The following PPP2R3A variants were observed in gnomAD, a reference collection of about 807,000 sequenced individuals.
PPP2R3A encodes serine/threonine-protein phosphatase 2A regulatory subunit B'' subunit alpha.
A neutral mutation model predicts 106.9 loss-of-function variants in PPP2R3A; 80 were observed. The observed-to-expected ratio is 0.75, with a 90% confidence interval of 0.62 to 0.90. The LOEUF is 0.90. Among genes scored for constraint, PPP2R3A ranks in the 40% least tolerant of loss-of-function variants. The pLI is 0.00. For missense variants in PPP2R3A, 1,386 were observed against 1,350.4 expected (o/e 1.03, Z -0.41); for synonymous variants, 483 against 468.3 (o/e 1.03, Z -0.41).
chr3:136,018,196 GGT>G (rs2107810604), intron 2 of PPP2R3A, among the ~76,000 whole-genome samples: 1 of 152,324 alleles, frequency 6.6e-6, no homozygotes, highest in South Asian at 2.1e-4. Flanking sequence ...GAGCCAGGGA[GGT>G]GGAGGTTGCA....
chr3:136,035,441 A>C lies in PPP2R3A; in HGVS notation c.2263-5418A>C, dbSNP rs564385842. Among the ~76,000 whole-genome samples the C allele has an allele frequency of 7.7e-4, 118 of 152,318 alleles. No homozygotes were observed. The Middle Eastern group carries it at 0.014, about 18-fold the overall frequency. Reference sequence around the variant, plus strand: ...TGGCTTGGTAGTGGCGAATTCTCTCAGCATTTGTTTTTCGGAAAAAGACTA... The same window carrying C: ...TGGCTTGGTAGTGGCGAATTCTCTCCGCATTTGTTTTTCGGAAAAAGACTA... On this transcript the variant is annotated intron_variant, in intron 3 of 13. Transcript: ENST00000264977.
intron 6 of PPP2R3A, 45 bp from the exon 7 acceptor site, chr3:136,078,322 G>A (rs1218952950): frequency 1.5e-6 from 2 of 1,330,508 alleles, no homozygotes; most frequent in African/African-American, 1.5e-5. Flanking sequence ...AAGTAGTGGA[G>A]ATCTTTAATG....
intron 6 of PPP2R3A, among the ~76,000 whole-genome samples, chr3:136,076,076 T>C (rs552874630): frequency 6.6e-6 from 1 of 152,232 alleles, no homozygotes; most frequent in Non-Finnish European, 1.5e-5. Flanking sequence ...TCCCACCTAA[T>C]TCAGGAATCC....
At chr3:136,024,541 A>G (rs1934580927) in intron 2 of PPP2R3A, among the ~76,000 whole-genome samples, 1 of 152,176 alleles carries the variant, frequency 6.6e-6, no homozygotes, top group Admixed American at 6.6e-5. Flanking sequence ...TTCCCATTCA[A>G]ATAAAATCTT....
intron 1 of PPP2R3A, among the ~76,000 whole-genome samples, chr3:135,976,214 T>C (rs1042786715): frequency 1.3e-5 from 2 of 152,198 alleles, no homozygotes; most frequent in Non-Finnish European, 2.9e-5. Context: ...AAGTTTCGGC[T>C]AGTGATATAT....
At position 136,026,924 on chromosome 3, in the gene PPP2R3A, T is replaced by A; in HGVS notation, c.2088T>A (p.His696Gln). The change falls in exon 3 of 14, where the codon CAT (histidine) becomes CAA (glutamine). Residue 696 changes from histidine (H) to glutamine (Q), a missense_variant. Transcript: ENST00000264977. ...CCCGACCTCTCTCCCCGGTTCCCCATGTGAATAATGTTGTGAATGCGCCAT... is the reference window on the plus strand; with the variant it reads ...CCCGACCTCTCTCCCCGGTTCCCCAAGTGAATAATGTTGTGAATGCGCCAT... Reference protein sequence around the residue: ...SSPRPLSPVPHVNNVVNAPLS... With the variant: ...SSPRPLSPVPQVNNVVNAPLS... 2 of 1,613,694 alleles carry A rather than the reference T, an allele frequency of 1.2e-6. No homozygotes were observed. The highest frequency in any genetic ancestry group is 1.7e-6 in the Non-Finnish European group (2 of 1,179,616).
At chr3:136,098,788 A>G (rs1257984697) in intron 10 of PPP2R3A, among the ~76,000 whole-genome samples, 1 of 152,196 alleles carries the variant, frequency 6.6e-6, no homozygotes, top group East Asian at 1.9e-4. Flanking sequence ...GCAGACATTC[A>G]GGATTTGGGG....
At chr3:136,114,453 A>G (rs1217150917) in intron 13 of PPP2R3A, among the ~76,000 whole-genome samples, 2 of 152,120 alleles carry the variant, frequency 1.3e-5, no homozygotes, top group African/African-American at 4.8e-5. Flanking sequence ...ACTCCCCTGG[A>G]AGGGGGCTCA....
At chr3:136,025,407 T>C (rs553125283) in intron 2 of PPP2R3A, among the ~76,000 whole-genome samples, 5 of 152,192 alleles carry the variant, frequency 3.3e-5, no homozygotes, top group African/African-American at 1.2e-4. Flanking sequence ...AGACATGGTG[T>C]GACAACTGGC....
chr3:136,106,131 G>T (rs1937511633), intron 12 of PPP2R3A, 85 bp from the exon 13 acceptor site: 1 of 1,090,256 alleles, frequency 9.2e-7, no homozygotes, highest in East Asian at 2.5e-5. Flanking sequence ...GATTTTTTCA[G>T]CAGTATACAT....
intron 5 of PPP2R3A, among the ~76,000 whole-genome samples, chr3:136,060,729 A>G (rs747214388): frequency 7.9e-5 from 12 of 152,182 alleles, no homozygotes; most frequent in African/African-American, 2.2e-4. Flanking sequence ...CTTTAGAGCA[A>G]TGTGAGACTG....
intron 13 of PPP2R3A, among the ~76,000 whole-genome samples, chr3:136,122,357 C>T (rs1003105041): frequency 1.3e-5 from 2 of 152,136 alleles, no homozygotes; most frequent in African/African-American, 2.4e-5. Flanking sequence ...GTACAACTCT[C>T]CCTCCATATA....
chr3:135,979,573 G>C (rs138349836), intron 1 of PPP2R3A, among the ~76,000 whole-genome samples: 1 of 151,750 alleles, frequency 6.6e-6, no homozygotes, highest in East Asian at 1.9e-4. Context: ...AGTACACAGC[G>C]TTGCTGCTCA....
At chr3:136,136,362 T>C (rs1938623266) in intron 13 of PPP2R3A, among the ~76,000 whole-genome samples, 1 of 152,182 alleles carries the variant, frequency 6.6e-6, no homozygotes, top group Non-Finnish European at 1.5e-5. Context: ...CTAACCTCTC[T>C]GAAGTAGAGT....
At chr3:136,041,988 G>A (rs770435229) in intron 4 of PPP2R3A, among the ~76,000 whole-genome samples, 2 of 151,770 alleles carry the variant, frequency 1.3e-5, no homozygotes, top group South Asian at 2.1e-4. Flanking sequence ...TGTTCTTCTC[G>A]CCTTTTCTGA....
chr3:135,994,112 A>G (rs1042532340), intron 1 of PPP2R3A, among the ~76,000 whole-genome samples: 1 of 152,228 alleles, frequency 6.6e-6, no homozygotes, highest in African/African-American at 2.4e-5. Context: ...GTGAAGCTCT[A>G]AAAAGCTGAA....
intron 1 of PPP2R3A, among the ~76,000 whole-genome samples, chr3:135,981,569 C>T (rs1003956097): frequency 2.6e-5 from 4 of 151,790 alleles, no homozygotes; most frequent in African/African-American, 9.7e-5. Context: ...TTTCTTCCTT[C>T]TCTTCCTTCA....
At chr3:136,050,766 T>G (rs1935658585) in intron 5 of PPP2R3A, among the ~76,000 whole-genome samples, 1 of 152,190 alleles carries the variant, frequency 6.6e-6, no homozygotes, top group African/African-American at 2.4e-5. Flanking sequence ...CCATGTTCCC[T>G]TATGCTTTCC....
chr3:135,974,663 T>G (rs1937360782), intron 1 of PPP2R3A, among the ~76,000 whole-genome samples: 1 of 152,202 alleles, frequency 6.6e-6, no homozygotes, highest in African/African-American at 2.4e-5. Context: ...TCTGTCTCCC[T>G]TCCCTTTCAA....
Sources: gnomAD v4.1 joint callset for allele counts (sites outside exome capture counted in the v4.1 genomes callset) on GRCh38, gnomAD v4.1.1 for gene constraint, MANE v1.5 for transcripts, NCBI Gene and HGNC (gene_info 2026-07-23, HGNC 2026-07-21) for gene names.